Variants in SLC5A4 observed in about 807,000 individuals in gnomAD.
The protein encoded by SLC5A4 is solute carrier family 5 member 4.
SLC5A4 carries 55 observed loss-of-function variants against 70.3 expected under a neutral mutation model. That is an observed-to-expected ratio of 0.78 (90% CI 0.63 to 0.98). SLC5A4 has a LOEUF of 0.98. Among genes scored for constraint, SLC5A4 ranks in the 50% least tolerant of loss-of-function variants. The pLI is 0.00. For synonymous variants in SLC5A4, 268 were observed against 305.7 expected (o/e 0.88, Z 1.29); for missense variants, 735 against 839.2 (o/e 0.88, Z 1.53).
At chr22:32,221,757 T>A (rs1426375905) in intron 13 of SLC5A4, among the ~76,000 whole-genome samples, 1 of 152,150 alleles carries the variant, frequency 6.6e-6, no homozygotes, top group Non-Finnish European at 1.5e-5. Flanking sequence ...GTTTGTTTGT[T>A]TTGTTTTCAA....
intron 5 of SLC5A4, among the ~76,000 whole-genome samples, chr22:32,245,377 T>A (rs1275961747): frequency 6.6e-6 from 1 of 152,138 alleles, no homozygotes; most frequent in Non-Finnish European, 1.5e-5. Flanking sequence ...CACCCACACC[T>A]AGCTCACCAA....
At chr22:32,304,637 A>G in the SLC5A4 span, among the ~76,000 whole-genome samples, 1 of 152,160 alleles carries the variant, frequency 6.6e-6, no homozygotes, top group Non-Finnish European at 1.5e-5. Flanking sequence ...ATGACCCTTT[A>G]GCAGCTGTGT....
the SLC5A4 span, among the ~76,000 whole-genome samples, chr22:32,263,763 G>A: frequency 3.3e-5 from 5 of 151,990 alleles, no homozygotes; most frequent in Non-Finnish European, 7.4e-5. Context: ...TTTTTATTGC[G>A]GTACTATTCA....
At chr22:32,339,111 T>C in the SLC5A4 span, among the ~76,000 whole-genome samples, 9 of 152,140 alleles carry the variant, frequency 5.9e-5, no homozygotes, top group South Asian at 2.1e-4. Flanking sequence ...GCTGATTCAA[T>C]AGGAGAATAA....
At chr22:32,237,458 C>T (rs1379100465) in intron 6 of SLC5A4, 134 bp from the exon 7 acceptor site, 4 of 592,994 alleles carry the variant, frequency 6.7e-6, no homozygotes, top group Middle Eastern at 2.8e-4. Flanking sequence ...CTGGGTGAGC[C>T]ACAAGCTTGT....
intron 6 of SLC5A4, 116 bp downstream of exon 6, chr22:32,238,869 A>G (rs1485881387): frequency 1.4e-6 from 1 of 724,392 alleles, no homozygotes; most frequent in African/African-American, 1.7e-5. Context: ...CATAGTGGAA[A>G]TGAAATGGTG....
chr22:32,256,022 G>T (rs74279714), upstream of SLC5A4, among the ~76,000 whole-genome samples: 12,200 of 152,154 alleles, frequency 0.08, 795 homozygotes, highest in African/African-American at 0.18. Context: ...CAGCCAAGAA[G>T]AAGTTAGAAG....
At chr22:32,351,730 G>GGGGCGGTGGGGGGA in the SLC5A4 span, among the ~76,000 whole-genome samples, 1 of 51,572 alleles carries the variant, frequency 1.9e-5, no homozygotes, top group Non-Finnish European at 3.3e-5. Flanking sequence ...GGGGAGGGTG[G>GGGGCGGTGGGGGGA]GGGCGGTGGG....
At chr22:32,301,661 A>T in the SLC5A4 span, among the ~76,000 whole-genome samples, 2 of 152,192 alleles carry the variant, frequency 1.3e-5, no homozygotes, top group African/African-American at 4.8e-5. Flanking sequence ...AAAACTGACA[A>T]GCTGATCCTG....
At chr22:32,340,759 C>T in the SLC5A4 span, among the ~76,000 whole-genome samples, 2 of 152,000 alleles carry the variant, frequency 1.3e-5, no homozygotes, top group Admixed American at 6.6e-5. Context: ...GACAGAGGGA[C>T]AGTGGGGTGG....
chr22:32,350,157 GA>G, the SLC5A4 span, among the ~76,000 whole-genome samples: 1 of 152,166 alleles, frequency 6.6e-6, no homozygotes, highest in Non-Finnish European at 1.5e-5. Flanking sequence ...CAGGCTGCCA[GA>G]AATTACCTTA....
At chr22:32,344,765 TAAC>T in the SLC5A4 span, among the ~76,000 whole-genome samples, 2 of 152,296 alleles carry the variant, frequency 1.3e-5, no homozygotes, top group African/African-American at 4.8e-5. Context: ...ATTTTACAGT[TAAC>T]AAACTTCATA....
chr22:32,314,258 T>C, the SLC5A4 span, among the ~76,000 whole-genome samples: 2 of 152,176 alleles, frequency 1.3e-5, no homozygotes, highest in African/African-American at 4.8e-5. Context: ...CACACCTCTA[T>C]CCAGCATACC....
At chr22:32,236,986 G>A (rs1926099201) in intron 7 of SLC5A4, among the ~76,000 whole-genome samples, 1 of 152,232 alleles carries the variant, frequency 6.6e-6, no homozygotes, top group Middle Eastern at 3.4e-3. Flanking sequence ...TTACAAGCGT[G>A]AGCCACCGCG....
the SLC5A4 span, among the ~76,000 whole-genome samples, chr22:32,298,102 G>C: frequency 7.8e-6 from 1 of 128,550 alleles, no homozygotes; most frequent in Non-Finnish European, 1.7e-5. Context: ...AATAGGTGTG[G>C]TGTGGTGCTG....
the SLC5A4 span, chr22:32,269,273 C>A: frequency 4.0e-6 from 1 of 251,534 alleles, no homozygotes; most frequent in Non-Finnish European, 7.8e-6. This position sits in a 1 kb window ranked among gnomAD's most constrained non-coding sequence, Gnocchi z 4.1. Context: ...TTGGGTGTAG[C>A]ACTGACCTAA....
At chr22:32,272,349 G>T in the SLC5A4 span, 1 of 854,104 alleles carries the variant, frequency 1.2e-6, no homozygotes, top group Non-Finnish European at 2.0e-6. Context: ...ACCTGGTGTC[G>T]GCCATCAGCC....
the SLC5A4 span, among the ~76,000 whole-genome samples, chr22:32,325,699 C>T: frequency 2.0e-5 from 3 of 152,258 alleles, no homozygotes; most frequent in Non-Finnish European, 2.9e-5. Context: ...CTGTGCCAAG[C>T]ACTTCCCATG....
intron 5 of SLC5A4, among the ~76,000 whole-genome samples, chr22:32,245,137 A>G (rs1023272119): frequency 1.6e-4 from 25 of 152,312 alleles, no homozygotes; most frequent in Non-Finnish European, 2.8e-4. Flanking sequence ...GGCAGAGGAG[A>G]GTTATGAAAA....
Sources: gnomAD v4.1 joint callset for allele counts (sites outside exome capture counted in the v4.1 genomes callset) on GRCh38, gnomAD v4.1.1 for gene constraint, Gnocchi (gnomAD v3.1) non-coding constraint, MANE v1.5 for transcripts, NCBI Gene and HGNC (gene_info 2026-07-23, HGNC 2026-07-21) for gene names.